DCP1A: variants seen among roughly 807,000 people sequenced by gnomAD.
The protein encoded by DCP1A is mRNA-decapping enzyme 1A.
In DCP1A, 20 loss-of-function variants were observed where a neutral mutation model predicts 58.0. The ratio of observed to expected loss-of-function variants is 0.34; its 90% CI spans 0.24 to 0.50. The LOEUF (loss-of-function observed/expected upper bound fraction) is 0.50, where lower values mean the gene tolerates loss of function less well. Among genes scored for constraint, DCP1A ranks in the 20% least tolerant of loss-of-function variants. The pLI, the probability that DCP1A is intolerant of heterozygous loss-of-function variation, is 0.98. For missense variants in DCP1A, 613 were observed against 712.2 expected (o/e 0.86, Z 1.59); for synonymous variants, 285 against 275.1 (o/e 1.04, Z -0.36).
intron 2 of DCP1A, among the ~76,000 whole-genome samples, chr3:53,342,808 C>G (rs542272019): frequency 2.6e-5 from 4 of 152,284 alleles, no homozygotes; most frequent in South Asian, 2.1e-4. Context: ...TTGTCCTCCC[C>G]CCACTAGGAT....
intron 6 of DCP1A, among the ~76,000 whole-genome samples, chr3:53,299,093 A>G (rs569495358): frequency 2.8e-4 from 43 of 152,354 alleles, no homozygotes; most frequent in South Asian, 1.2e-3. Flanking sequence ...CATTTCTCAG[A>G]AAGTATTCCC....
At chr3:53,312,117 C>A (rs1433701572) in intron 5 of DCP1A, 124 bp downstream of exon 5, 1 of 1,052,134 alleles carries the variant, frequency 9.5e-7, no homozygotes, top group East Asian at 2.7e-5. Context: ...AACACGCTCT[C>A]TTTTTGAACT....
At chr3:53,310,641 C>G (rs1707617254) in intron 5 of DCP1A, among the ~76,000 whole-genome samples, 1 of 152,198 alleles carries the variant, frequency 6.6e-6, no homozygotes. Context: ...ATCAGAAAGC[C>G]ATTCTTGAAG....
intron 4 of DCP1A, among the ~76,000 whole-genome samples, chr3:53,315,611 T>C (rs1221310283): frequency 1.3e-5 from 2 of 151,440 alleles, no homozygotes; most frequent in Non-Finnish European, 2.9e-5. Flanking sequence ...CTTCTAAGTT[T>C]AGTGGGTTTT....
rs142000678 is a variant in DCP1A, at chr3:53,331,246, A to G, written c.304+10898T>C. ...GAGCCTGATGGTACCACAAACCTAT[A>G]TTATTAATACTTTCAATTAACCAGG... On this transcript the variant is annotated intron_variant, in intron 3 of 9. Transcript: ENST00000610213. Among the ~76,000 whole-genome samples, 274 of 152,314 alleles carry G rather than the reference A, an allele frequency of 1.8e-3. 1 individual carries two copies. The highest frequency in any genetic ancestry group is 6.2e-3 in the African/African-American group (259 of 41,574).
At chr3:53,314,796 C>T (rs1400666959) in intron 4 of DCP1A, among the ~76,000 whole-genome samples, 1 of 151,070 alleles carries the variant, frequency 6.6e-6, no homozygotes, top group Non-Finnish European at 1.5e-5. Context: ...CTCAGCCTCC[C>T]TAGTAGCTGG....
chr3:53,298,655 T>C (rs1216014882), intron 6 of DCP1A, among the ~76,000 whole-genome samples: 2 of 152,210 alleles, frequency 1.3e-5, no homozygotes, highest in Non-Finnish European at 2.9e-5. Context: ...CATATGGAGA[T>C]GTCAATTCAG....
intron 3 of DCP1A, chr3:53,338,044 G>T (rs1003238241): frequency 1.4e-5 from 5 of 350,810 alleles, no homozygotes; most frequent in Non-Finnish European, 2.9e-5. Context: ...CATTGGCCTT[G>T]AAGCCCGAAA....
At chr3:53,337,105 C>T (rs1553692026) in intron 3 of DCP1A, among the ~76,000 whole-genome samples, 1 of 152,144 alleles carries the variant, frequency 6.6e-6, no homozygotes. Flanking sequence ...CTCCTGACCG[C>T]AGGTGATCCA....
chr3:53,293,577 G>GAC (rs1553686458), intron 6 of DCP1A, among the ~76,000 whole-genome samples: 1 of 152,142 alleles, frequency 6.6e-6, no homozygotes, highest in Non-Finnish European at 1.5e-5. Context: ...TTTAGTGGGA[G>GAC]ACACACCTAA....
intron 1 of DCP1A, among the ~76,000 whole-genome samples, chr3:53,345,664 G>A (rs1224089017): frequency 1.3e-5 from 2 of 151,960 alleles, no homozygotes; most frequent in Non-Finnish European, 2.9e-5. Context: ...TGTAATCAAC[G>A]CATTATTAAC....
chr3:53,332,871 G>A (rs1553691491), intron 3 of DCP1A, among the ~76,000 whole-genome samples: 2 of 150,094 alleles, frequency 1.3e-5, no homozygotes, highest in South Asian at 2.1e-4. Flanking sequence ...AAAAAAAAAA[G>A]AAATTTCTAC....
chr3:53,347,223 C>G (rs1471893055), intron 1 of DCP1A, among the ~76,000 whole-genome samples, 160 bp downstream of exon 1: 1 of 152,158 alleles, frequency 6.6e-6, no homozygotes, highest in Non-Finnish European at 1.5e-5. Flanking sequence ...CAAGCGGACC[C>G]GACACCCCTC....
chr3:53,306,770 CAAAA>C (rs1169051475), intron 5 of DCP1A, among the ~76,000 whole-genome samples: 1 of 34,620 alleles, frequency 2.9e-5, no homozygotes, highest in Non-Finnish European at 6.2e-5. Context: ...GACTCCGTCT[CAAAA>C]AAAAAAAAAA....
chr3:53,310,936 T>C (rs1020077682), intron 5 of DCP1A, among the ~76,000 whole-genome samples: 13 of 152,240 alleles, frequency 8.5e-5, no homozygotes, highest in Admixed American at 5.9e-4. Flanking sequence ...TCAAACTTTT[T>C]CCTGAACTCC....
At chr3:53,320,165 A>G (rs1418588852) in intron 3 of DCP1A, among the ~76,000 whole-genome samples, 2 of 152,044 alleles carry the variant, frequency 1.3e-5, no homozygotes, top group African/African-American at 4.8e-5. Flanking sequence ...TACAATACAA[A>G]GCTTTCAAAA....
intron 6 of DCP1A, among the ~76,000 whole-genome samples, chr3:53,301,220 T>G (rs1033224697): frequency 9.9e-5 from 15 of 152,150 alleles, no homozygotes; most frequent in African/African-American, 3.4e-4. Context: ...TTGGATACAT[T>G]GTTGATGTGA....
chr3:53,310,171 G>A (rs1036651616), intron 5 of DCP1A, among the ~76,000 whole-genome samples: 8 of 152,032 alleles, frequency 5.3e-5, no homozygotes, highest in Admixed American at 5.2e-4. Context: ...AATCCCAAAG[G>A]GTTTCATTTT....
intron 8 of DCP1A, among the ~76,000 whole-genome samples, chr3:53,289,124 C>A (rs901500179): frequency 2.6e-5 from 4 of 151,416 alleles, no homozygotes; most frequent in African/African-American, 9.7e-5. Context: ...AATCCTCCCC[C>A]CATTTTTGAT....
Sources: gnomAD v4.1 joint callset for allele counts (sites outside exome capture counted in the v4.1 genomes callset) on GRCh38, gnomAD v4.1.1 for gene constraint, MANE v1.5 for transcripts, NCBI Gene and HGNC (gene_info 2026-07-23, HGNC 2026-07-21) for gene names.